GCNT2: variants seen among roughly 807,000 people sequenced by gnomAD.
GCNT2 encodes the protein N-acetyllactosaminide beta-1,6-N-acetylglucosaminyl-transferase.
Under a neutral mutation model 34.2 loss-of-function variants are expected in GCNT2, and 34 were observed. The observed-to-expected ratio is 1.00, with a 90% CI of 0.76 to 1.32. The LOEUF is 1.32. Ranked by LOEUF, GCNT2 falls within the 40% of genes most tolerant of loss-of-function variation. GCNT2 has a pLI of 0.00. For synonymous variants in GCNT2, 212 were observed against 188.0 expected, an observed-to-expected ratio of 1.13 and a Z score of -1.04; for missense variants, 584 against 489.4, an observed-to-expected ratio of 1.19 and a Z score of -1.82.
At position 10,627,622 on chromosome 6, in the gene GCNT2, T is replaced by C. The variant is rs192166399; in HGVS notation, c.*1015T>C. On this transcript the variant is annotated 3_prime_UTR_variant, in exon 5 of 5. Coordinates refer to ENST00000495262, the MANE Select transcript of GCNT2 (RefSeq NM_145649.5). ...CCTCATTCATCCATCCGTTCATTCA[T>C]TCAGCCTTCAATCAACATCTCTTGA... 6.6e-6 allele frequency: 1 copy of C among 150,438 alleles called. No homozygotes were observed. Among genetic ancestry groups the C allele is most frequent in the Non-Finnish European group, 1.5e-5 (1 of 67,984 alleles). 9.3% of individuals were successfully genotyped at this position (150,438 alleles called of 1,614,324 possible). A position where few individuals can be genotyped will look rare whatever the true frequency, so the allele number is the denominator to read the frequency against.
intron 3 of GCNT2, among the ~76,000 whole-genome samples, chr6:10,578,600 C>T (rs1054383241): frequency 6.6e-6 from 1 of 151,686 alleles, no homozygotes; most frequent in African/African-American, 2.4e-5. Context: ...GCACGCGCCA[C>T]CTCGCCTGGC....
intron 1 of GCNT2, among the ~76,000 whole-genome samples, chr6:10,523,890 C>G (rs952100691): frequency 2.7e-5 from 4 of 147,734 alleles, no homozygotes; most frequent in East Asian, 2.1e-4. Flanking sequence ...GGAGAATGGC[C>G]TGAACCCGGG....
chr6:10,601,943 GA>G (rs57927445), intron 3 of GCNT2, among the ~76,000 whole-genome samples: 74,628 of 113,028 alleles, frequency 0.66, 21,830 homozygotes, highest in East Asian at 0.78. Context: ...TCCATCTCAA[GA>G]AAAAAAAAAA....
rs934908365 is a variant in GCNT2, at chr6:10,527,680, G to A, written c.-282+20G>A. 5.3e-5 allele frequency: 8 copies of A among 152,116 alleles called. No homozygotes were observed. Among genetic ancestry groups the A allele is most frequent in the African/African-American group, 1.9e-4 (8 of 41,382 alleles). The allele number at this position is 152,116 out of a possible 1,614,324, so 9.4% of individuals were successfully genotyped here. On this transcript the variant is annotated intron_variant, in intron 2 of 4. Transcript: ENST00000495262. ...GGAGAGGTAATTGTGTCATTTATTAGAAGTATGAGTGTGGGGTAAGAGATA... is the reference window on the plus strand; with the variant it reads ...GGAGAGGTAATTGTGTCATTTATTAAAAGTATGAGTGTGGGGTAAGAGATA...
intron 3 of GCNT2, among the ~76,000 whole-genome samples, chr6:10,572,104 C>G (rs999940251): frequency 6.6e-6 from 1 of 151,892 alleles, no homozygotes; most frequent in African/African-American, 2.4e-5. Flanking sequence ...TGGGAAACCC[C>G]TCAGCTCTGG....
intron 3 of GCNT2, among the ~76,000 whole-genome samples, chr6:10,588,826 A>G (rs1462664015): frequency 8.5e-6 from 1 of 117,882 alleles, no homozygotes; most frequent in African/African-American, 3.3e-5. Flanking sequence ...GTGTGTTTGC[A>G]GTGTATGTGT....
At position 10,555,911 on chromosome 6, in the gene GCNT2, C is replaced by T. The variant is rs530793153; in HGVS notation, c.925+26075C>T. 1.0e-3 allele frequency: 1,037 copies of T among 1,001,122 alleles called. 7 individuals are homozygous for T. In the Middle Eastern group the frequency reaches 0.025, roughly 24 times the overall value. 62.0% of individuals were successfully genotyped at this position (1,001,122 alleles called of 1,614,324 possible). On this transcript the variant is annotated intron_variant, in intron 3 of 4. Transcript: ENST00000495262. ...TGAGAGGCCAGGCTGTGGATCCTTG[C>T]CACGAACAACAAGAGAGGGCAAGTC...
chr6:10,569,439 A>G (rs1158662453), intron 3 of GCNT2, among the ~76,000 whole-genome samples: 1 of 151,912 alleles, frequency 6.6e-6, no homozygotes, highest in Non-Finnish European at 1.5e-5. Context: ...CTCCCACCTC[A>G]GCCTCCCAAG....
chr6:10,555,096 T>TAA (rs1254142229), intron 3 of GCNT2, among the ~76,000 whole-genome samples: 28 of 152,096 alleles, frequency 1.8e-4, no homozygotes, highest in Non-Finnish European at 5.9e-5. Context: ...AAATGTGCAT[T>TAA]AAAGGACATT....
chr6:10,556,633 T>G (rs369944966), intron 3 of GCNT2: 71 of 1,613,770 alleles, frequency 4.4e-5, no homozygotes, highest in Non-Finnish European at 5.5e-5. Context: ...ATGAGAAGTC[T>G]TCTTGCAAGG....
At chr6:10,611,455 C>T (rs1453131016) in intron 3 of GCNT2, among the ~76,000 whole-genome samples, 4 of 152,020 alleles carry the variant, frequency 2.6e-5, no homozygotes, top group Non-Finnish European at 5.9e-5. Flanking sequence ...CTCAGGCTCC[C>T]AAGTAGCTGG....
intron 3 of GCNT2, among the ~76,000 whole-genome samples, chr6:10,618,898 T>G (rs1248123280): frequency 6.6e-6 from 1 of 152,224 alleles, no homozygotes; most frequent in Admixed American, 6.5e-5. Flanking sequence ...GAAAAGACTC[T>G]TGCCTTATAG....
At chr6:10,542,717 T>C (rs1762090228) in intron 3 of GCNT2, among the ~76,000 whole-genome samples, 1 of 152,172 alleles carries the variant, frequency 6.6e-6, no homozygotes, top group Non-Finnish European at 1.5e-5. Context: ...TGTTCCATTA[T>C]ATGGATACAC....
chr6:10,594,823 A>C (rs938188773), intron 3 of GCNT2, among the ~76,000 whole-genome samples: 2 of 152,076 alleles, frequency 1.3e-5, no homozygotes, highest in African/African-American at 4.8e-5. Context: ...GTGTAAAGTA[A>C]ATTGACATGT....
At chr6:10,557,377 G>A (rs1762770033) in intron 3 of GCNT2, 10 of 1,540,544 alleles carry the variant, frequency 6.5e-6, no homozygotes, top group Non-Finnish European at 9.0e-6. Flanking sequence ...CAAAAGAAAT[G>A]TGTCGTATTT....
rs1424881182 is a variant in GCNT2 at position 10,582,462 on chromosome 6, A to T, written c.926-38889A>T. 9.0e-5 allele frequency among the ~76,000 whole-genome samples: 11 copies of T among 121,700 alleles called. No individual in the cohort carries two copies. The South Asian group carries it at 2.5e-3, about 28-fold the overall frequency. The allele number at this position is 121,700 out of a possible 152,430, so 79.8% of individuals were successfully genotyped here. A position where few individuals can be genotyped will look rare whatever the true frequency, so the allele number is the denominator to read the frequency against. ...TATTTATTATATAATATATATAATA[A>T]ATATAATATATACTATAATATATAC... On this transcript the variant is annotated intron_variant, in intron 3 of 4. Coordinates refer to ENST00000495262, the MANE Select transcript of GCNT2 (RefSeq NM_145649.5).
intron 3 of GCNT2, among the ~76,000 whole-genome samples, chr6:10,566,368 G>A (rs924333649): frequency 5.9e-5 from 9 of 152,136 alleles, no homozygotes; most frequent in Non-Finnish European, 8.8e-5. Context: ...TACCATCATG[G>A]CTCACTGAAG....
At chr6:10,557,410 C>G (rs1762771763) in intron 3 of GCNT2, 6 of 1,225,098 alleles carry the variant, frequency 4.9e-6, no homozygotes, top group Non-Finnish European at 7.2e-6. Flanking sequence ...GAATAACCAG[C>G]CACTTTTTAT....
At chr6:10,592,623 A>G (rs911871855) in intron 3 of GCNT2, among the ~76,000 whole-genome samples, 2 of 152,228 alleles carry the variant, frequency 1.3e-5, no homozygotes, top group African/African-American at 4.8e-5. Flanking sequence ...CTATTTGGGA[A>G]GGATCATCTC....
Sources: gnomAD v4.1 joint callset for allele counts (sites outside exome capture counted in the v4.1 genomes callset) on GRCh38, gnomAD v4.1.1 for gene constraint, MANE v1.5 for transcripts, NCBI Gene and HGNC (gene_info 2026-07-23, HGNC 2026-07-21) for gene names.